The following ZNF197 variants were observed in gnomAD, a reference collection of about 807,000 sequenced individuals.
ZNF197 encodes zinc finger protein 197, also known as VHL-associated KRAB-A domain-containing protein.
In ZNF197, 14 loss-of-function variants were observed where a neutral mutation model predicts 27.4. The ratio of observed to expected loss-of-function variants is 0.51; its 90% CI spans 0.34 to 0.80. The LOEUF is 0.80. Among genes scored for constraint, ZNF197 ranks in the 30% least tolerant of loss-of-function variants. The pLI, the probability that ZNF197 is intolerant of heterozygous loss-of-function variation, is 0.02. For missense variants in ZNF197, 1,090 were observed against 1,222.6 expected (o/e 0.89, Z 1.62); for synonymous variants, 415 against 420.0 (o/e 0.99, Z 0.15).
Position 44,642,725 on chromosome 3 carries a change from A to C in ZNF197, c.1595A>C (p.His532Pro). 6.2e-7 allele frequency: 1 copy of C among 1,613,778 alleles called. No homozygotes were observed. Among genetic ancestry groups the C allele is most frequent in the Non-Finnish European group, 8.5e-7 (1 of 1,179,986 alleles). ...AGCCTCATTCTGCACCAGAGAATCC[A>C]CTCTGGGGAAAAACCCTATAAATGT... ...KKSLILHQRI[H>P]SGEKPYKCDE... The change falls in exon 6 of 6, where the codon CAC becomes CCC. Residue 532 changes from histidine to proline, a missense_variant. Transcript: ENST00000344387.
At chr3:44,627,395 CTG>C (rs1302514530) in intron 1 of ZNF197, among the ~76,000 whole-genome samples, 1 of 152,200 alleles carries the variant, frequency 6.6e-6, no homozygotes, top group Non-Finnish European at 1.5e-5. Context: ...ACTCTTGCCT[CTG>C]AAGTTTACTT....
At chr3:44,633,104 G>A (rs1298881861) in intron 5 of ZNF197, among the ~76,000 whole-genome samples, 2 of 152,066 alleles carry the variant, frequency 1.3e-5, no homozygotes, top group East Asian at 1.9e-4. Context: ...TTTCTGTAGC[G>A]ATCCCTGTCC....
Position 44,647,098 on chromosome 3 carries a change from T to TA in ZNF197, c.*2879dup, listed in dbSNP as rs1266514179. The TA allele has an allele frequency of 6.6e-6, 1 of 152,246 alleles. No individual in the cohort carries two copies. Among genetic ancestry groups the TA allele is most frequent in the Non-Finnish European group, 1.5e-5 (1 of 68,048 alleles). The allele number at this position is 152,246 out of a possible 1,614,324, so 9.4% of individuals were successfully genotyped here. ...CAAATCATATCCAACAAGGGATTTG[T>TA]ATGTAAACTACATAAAGAACTTTCC... On this transcript the variant is annotated 3_prime_UTR_variant, in exon 6 of 6. Coordinates refer to ENST00000344387, the MANE Select transcript of ZNF197 (RefSeq NM_006991.5).
At position 44,643,739 on chromosome 3, in the gene ZNF197, G is replaced by A. The variant is rs1370022637; in HGVS notation, c.2609G>A (p.Gly870Glu). The A allele has an allele frequency of 1.2e-6, 2 of 1,613,856 alleles. No homozygotes were observed. The highest frequency in any genetic ancestry group is 1.7e-6 in the Non-Finnish European group (2 of 1,179,966). ...NLIEHQRIHS[G>E]EKTYECHVCR... ...ATTGAACATCAAAGAATTCACAGTG[G>A]AGAAAAAACCTACGAATGTCATGTA... Residue 870 changes from glycine (G) to glutamate (E), a missense_variant, in exon 6 of 6, where the codon GGA becomes GAA. Transcript: ENST00000344387.
chr3:44,647,085 A>G lies in ZNF197; in HGVS notation c.*2865A>G, dbSNP rs1702995150. 1.3e-5 allele frequency: 2 copies of G among 152,264 alleles called. No homozygotes were observed. The highest frequency in any genetic ancestry group is 1.3e-4 in the Admixed American group (2 of 15,284). The allele number at this position is 152,264 out of a possible 1,614,324, so 9.4% of individuals were successfully genotyped here. On this transcript the variant is annotated 3_prime_UTR_variant, in exon 6 of 6. Coordinates refer to ENST00000344387, the MANE Select transcript of ZNF197 (RefSeq NM_006991.5). ...GAAAAAATATTTGCAAATCATATCC[A>G]ACAAGGGATTTGTATGTAAACTACA...
intron 1 of ZNF197, among the ~76,000 whole-genome samples, chr3:44,625,786 A>T (rs199969169): frequency 1.1e-3 from 141 of 124,930 alleles, no homozygotes; most frequent in African/African-American, 3.8e-3. Context: ...ACACACACAC[A>T]CTCATTGCCA....
At chr3:44,635,970 T>C (rs976237464) in intron 5 of ZNF197, among the ~76,000 whole-genome samples, 8 of 152,194 alleles carry the variant, frequency 5.3e-5, no homozygotes, top group Admixed American at 4.6e-4. Context: ...TCAGTGGTTA[T>C]TGTGTATTCA....
At chr3:44,641,571 A>G (rs1248505409) in intron 5 of ZNF197, among the ~76,000 whole-genome samples, 1 of 152,176 alleles carries the variant, frequency 6.6e-6, no homozygotes, top group Non-Finnish European at 1.5e-5. Flanking sequence ...CTTCTATCCA[A>G]GTTCCTTAGA....
Position 44,644,927 on chromosome 3 carries a change from G to T in ZNF197, c.*707G>T, listed in dbSNP as rs1702872437. The T allele has an allele frequency of 1.0e-6, 1 of 984,178 alleles. No homozygotes were observed. Among genetic ancestry groups the T allele is most frequent in the Non-Finnish European group, 1.2e-6 (1 of 828,790 alleles). The allele number at this position is 984,178 out of a possible 1,614,324, so 61.0% of individuals were successfully genotyped here. On this transcript the variant is annotated 3_prime_UTR_variant, in exon 6 of 6. Transcript: ENST00000344387. ...AAGTGGACATTGTTTTTTAAAATGT[G>T]TATAGTATGCATTTTAAAGATAGTG...
At chr3:44,641,867 G>T in intron 5 of ZNF197, 33 bp from the exon 6 acceptor site, 2 of 1,532,060 alleles carry the variant, frequency 1.3e-6, no homozygotes, top group East Asian at 2.3e-5. Flanking sequence ...ACAGGGACGT[G>T]GTAACATTTG....
rs1221511633 is a variant in ZNF197 at position 44,645,670 on chromosome 3, A to G, written c.*1450A>G. 2 of 985,346 alleles carry G rather than the reference A, an allele frequency of 2.0e-6. No homozygotes were observed. Among genetic ancestry groups the G allele is most frequent in the East Asian group, 1.1e-4 (1 of 8,828 alleles). The allele number at this position is 985,346 out of a possible 1,614,324, so 61.0% of individuals were successfully genotyped here. On this transcript the variant is annotated 3_prime_UTR_variant, in exon 6 of 6. Coordinates refer to ENST00000344387, the MANE Select transcript of ZNF197 (RefSeq NM_006991.5). ...TGAGCTGATGATCCCTGCCACAGTCATTGTGAATTCTAATCAATATTTCAT... is the reference window on the plus strand; with the variant it reads ...TGAGCTGATGATCCCTGCCACAGTCGTTGTGAATTCTAATCAATATTTCAT...
rs1054586477 is a variant in ZNF197, at chr3:44,647,487, A to G, written c.*3267A>G. 3.9e-5 allele frequency: 6 copies of G among 152,214 alleles called. No homozygotes were observed. Among genetic ancestry groups the G allele is most frequent in the Admixed American group, 3.9e-4 (6 of 15,280 alleles). 9.4% of individuals were successfully genotyped at this position (152,214 alleles called of 1,614,324 possible). Reference sequence around the variant, plus strand: ...AGAAATGAAAACTTGCGTTCACACAAAAACCTGTATACGAATGTTCATAGC... The same window carrying G: ...AGAAATGAAAACTTGCGTTCACACAGAAACCTGTATACGAATGTTCATAGC... On this transcript the variant is annotated 3_prime_UTR_variant, in exon 6 of 6. Transcript: ENST00000344387.
At position 44,647,904 on chromosome 3, in the gene ZNF197, A is replaced by T. The variant is rs977726941; in HGVS notation, c.*3684A>T. On this transcript the variant is annotated 3_prime_UTR_variant, in exon 6 of 6. Coordinates refer to ENST00000344387, the MANE Select transcript of ZNF197 (RefSeq NM_006991.5). ...GTATCTTGATTGCAGTGGTGGTTAC[A>T]CAAATCTATAGGTGCTATACCTATA... 1 of 152,202 alleles carries T rather than the reference A, an allele frequency of 6.6e-6. No individual in the cohort carries two copies. Among genetic ancestry groups the T allele is most frequent in the South Asian group, 2.1e-4 (1 of 4,834 alleles). 9.4% of individuals were successfully genotyped at this position (152,202 alleles called of 1,614,324 possible). A position where few individuals can be genotyped will look rare whatever the true frequency, so the allele number is the denominator to read the frequency against.
At chr3:44,635,180 A>C (rs374708964) in intron 5 of ZNF197, among the ~76,000 whole-genome samples, 2 of 152,060 alleles carry the variant, frequency 1.3e-5, no homozygotes, top group African/African-American at 2.4e-5. Flanking sequence ...AAAAAAAAAA[A>C]AAACCAATAA....
intron 1 of ZNF197, among the ~76,000 whole-genome samples, chr3:44,625,620 A>G (rs2125787093): frequency 6.6e-6 from 1 of 152,266 alleles, no homozygotes; most frequent in African/African-American, 2.4e-5. Context: ...ATATAATGGT[A>G]TTTAAAAATC....
chr3:44,643,532 T>G lies in ZNF197; in HGVS notation c.2402T>G (p.Leu801Arg). 2 of 1,614,112 alleles carry G rather than the reference T, an allele frequency of 1.2e-6. No homozygotes were observed. Among genetic ancestry groups the G allele is most frequent in the Non-Finnish European group, 1.7e-6 (2 of 1,180,012 alleles). Residue 801 changes from leucine (L) to arginine (R), a missense_variant, in exon 6 of 6, where the codon CTG becomes CGG. By Grantham distance (102) the Leu-to-Arg change is moderately radical. Coordinates refer to ENST00000344387, the MANE Select transcript of ZNF197 (RefSeq NM_006991.5). ...GATGAGTGTGGCAAATGCTTCATTC[T>G]GAAGAAAAGCCTCATTGGACATCAG... The part of the protein sequence containing the change: ...ECDECGKCFI[L>R]KKSLIGHQRI...
In ZNF197 at chr3:44,645,890, C is replaced by T. The variant is rs564637957; in HGVS notation, c.*1670C>T. On this transcript the variant is annotated 3_prime_UTR_variant, in exon 6 of 6. Transcript: ENST00000344387. ...CCCTTGAGTACATTTGTGGGTTTAA[C>T]TCAGTCTATATTCTTAAGTTGGTAA... 8 of 985,442 alleles carry T rather than the reference C, an allele frequency of 8.1e-6. No individual in the cohort carries two copies. The East Asian group carries it at 5.7e-4, about 70-fold the overall frequency. The allele number at this position is 985,442 out of a possible 1,614,324, so 61.0% of individuals were successfully genotyped here.
rs1210388259 is a variant in ZNF197, at chr3:44,640,126, CCTCT to C, written c.770-1773_770-1770del. On this transcript the variant is annotated intron_variant, in intron 5 of 5. Coordinates refer to ENST00000344387, the MANE Select transcript of ZNF197 (RefSeq NM_006991.5). This position sits in a 1 kb window ranked among gnomAD's most constrained non-coding sequence, Gnocchi z 4.0. Reference sequence around the variant, plus strand: ...AAAGGTTATGGAAAGTAACCAGCTCCCTCTGTCATTCTGACATTTTTCTACAAAG... The same window carrying C: ...AAAGGTTATGGAAAGTAACCAGCTCCGTCATTCTGACATTTTTCTACAAAG... Among the ~76,000 whole-genome samples the C allele has an allele frequency of 1.3e-5, 2 of 152,258 alleles. No homozygotes were observed. Among genetic ancestry groups the C allele is most frequent in the African/African-American group, 4.8e-5 (2 of 41,540 alleles).
Position 44,629,534 on chromosome 3 carries a change from C to A in ZNF197, c.380C>A (p.Pro127Gln). ...GAGCTGCAGAAAGACCTTGATGGACCAGCAATACAAGTGAGAAAGACAGGG... is the reference window on the plus strand; with the variant it reads ...GAGCTGCAGAAAGACCTTGATGGACAAGCAATACAAGTGAGAAAGACAGGG... The part of the protein sequence containing the change: ...VEELQKDLDG[P>Q]AIQVPVLVKD... The change falls in exon 2 of 6, where the codon CCA becomes CAA. Residue 127 changes from proline (P) to glutamine (Q), a missense_variant. Coordinates refer to ENST00000344387, the MANE Select transcript of ZNF197 (RefSeq NM_006991.5). The A allele has an allele frequency of 6.4e-7, 1 of 1,559,962 alleles. No homozygotes were observed.
Sources: allele counts gnomAD v4.1 joint callset (sites outside exome capture counted in the v4.1 genomes callset), GRCh38; gene constraint gnomAD v4.1.1; non-coding constraint Gnocchi (gnomAD v3.1); transcripts MANE v1.5; gene names NCBI Gene and HGNC (gene_info 2026-07-23, HGNC 2026-07-21).